The following ANXA6 variants were observed in gnomAD, a reference collection of about 807,000 sequenced individuals.
ANXA6 encodes 67 kDa calelectrin.
A neutral mutation model predicts 95.4 loss-of-function variants in ANXA6; 71 were observed. The observed-to-expected ratio is 0.74, with a 90% confidence interval of 0.61 to 0.91. The LOEUF (loss-of-function observed/expected upper bound fraction) is 0.91. ANXA6 is among the 40% of genes least tolerant of loss of function. The pLI is 0.00. For synonymous variants in ANXA6, 289 were observed against 315.9 expected (o/e 0.91, Z 0.90); for missense variants, 830 against 876.4 (o/e 0.95, Z 0.67).
intron 12 of ANXA6, among the ~76,000 whole-genome samples, chr5:151,128,843 T>G (rs936663706): frequency 6.6e-6 from 1 of 152,116 alleles, no homozygotes; most frequent in African/African-American, 2.4e-5. Context: ...CATAGAACAT[T>G]TTGCACATAA....
At chr5:151,123,051 G>T (rs41290567) in intron 15 of ANXA6, 40 bp from the exon 16 acceptor site, 3 of 1,564,268 alleles carry the variant, frequency 1.9e-6, no homozygotes, top group Non-Finnish European at 2.6e-6. Flanking sequence ...GAAGGCCTGT[G>T]GCTCTCGGCT....
intron 25 of ANXA6, 84 bp downstream of exon 25, chr5:151,103,486 G>A: frequency 2.1e-6 from 3 of 1,421,742 alleles, no homozygotes; most frequent in Non-Finnish European, 2.8e-6. Flanking sequence ...CTGGAAAAAA[G>A]TCCATGGGAA....
chr5:151,132,624 A>G (rs1561578741), intron 9 of ANXA6, 53 bp from the exon 10 acceptor site: 2 of 1,476,038 alleles, frequency 1.4e-6, no homozygotes, highest in South Asian at 2.4e-5. Flanking sequence ...TACCCCCGAG[A>G]AGAAATGAGG....
intron 8 of ANXA6, 113 bp from the exon 9 acceptor site, chr5:151,133,300 G>A: frequency 1.5e-6 from 1 of 684,292 alleles, no homozygotes; most frequent in South Asian, 1.6e-5. Flanking sequence ...GTAATTGGTA[G>A]CCTGAAGACC....
At chr5:151,106,529 T>C (rs1314708424) in intron 23 of ANXA6, among the ~76,000 whole-genome samples, 2 of 152,198 alleles carry the variant, frequency 1.3e-5, no homozygotes, top group Non-Finnish European at 2.9e-5. Flanking sequence ...TCAAAGCTCC[T>C]GGCCTCCTTT....
At chr5:151,119,258 G>T in intron 18 of ANXA6, 42 bp downstream of exon 18, 1 of 1,546,536 alleles carries the variant, frequency 6.5e-7, no homozygotes, top group South Asian at 1.1e-5. Flanking sequence ...TGGGGGGCCT[G>T]GCTGTTCTCC....
intron 2 of ANXA6, among the ~76,000 whole-genome samples, chr5:151,142,926 A>T (rs528939919): frequency 6.6e-6 from 1 of 152,262 alleles, no homozygotes; most frequent in East Asian, 1.9e-4. Flanking sequence ...TGTTGCCATG[A>T]TTCATGGCTG....
chr5:151,105,857 G>C (rs1764682027), intron 23 of ANXA6, among the ~76,000 whole-genome samples: 1 of 152,086 alleles, frequency 6.6e-6, no homozygotes, highest in Non-Finnish European at 1.5e-5. Context: ...TAGTTTGCCT[G>C]GGACACTCCA....
intron 2 of ANXA6, among the ~76,000 whole-genome samples, chr5:151,145,963 G>T (rs1765965674): frequency 6.6e-6 from 1 of 152,040 alleles, no homozygotes; most frequent in Non-Finnish European, 1.5e-5. Flanking sequence ...CCTAGGTGGG[G>T]TGCCCTCCTG....
chr5:151,105,809 T>C (rs1764681067), intron 23 of ANXA6, among the ~76,000 whole-genome samples: 2 of 152,214 alleles, frequency 1.3e-5, no homozygotes, highest in Admixed American at 1.3e-4. Context: ...CCAGAGATGC[T>C]GAATCTGAAA....
intron 1 of ANXA6, chr5:151,154,981 AAAGG>A (rs1766199789): frequency 7.7e-6 from 1 of 130,176 alleles, no homozygotes; most frequent in Non-Finnish European, 1.7e-5. Context: ...AAAAAAAAAA[AAAGG>A]GATAAAAATA....
rs1011733729 is a variant in ANXA6, at chr5:151,124,174, C to T, written c.1138+112G>A. On this transcript the variant is annotated intron_variant, in intron 15 of 25. Transcript: ENST00000354546. ...TGGAAACTTGAGATCAAGCCTTCCT[C>T]ATCCTGCAGACTCTAATTTGAAACC... 6.7e-6 allele frequency: 6 copies of T among 890,602 alleles called. No individual in the cohort carries two copies. The African/African-American group carries it at 1.0e-4, about 15-fold the overall frequency. 55.2% of individuals were successfully genotyped at this position (890,602 alleles called of 1,614,324 possible).
chr5:151,139,861 G>T (rs1765777297), intron 3 of ANXA6, among the ~76,000 whole-genome samples: 1 of 152,204 alleles, frequency 6.6e-6, no homozygotes, highest in Non-Finnish European at 1.5e-5. Flanking sequence ...GGCAAAGGCA[G>T]CGGGCGGCAT....
chr5:151,138,372 T>C (rs965988702), intron 5 of ANXA6, among the ~76,000 whole-genome samples: 1 of 152,132 alleles, frequency 6.6e-6, no homozygotes, highest in African/African-American at 2.4e-5. Context: ...TGGCCCAGGG[T>C]CATGTTGATT....
At chr5:151,152,650 G>A (rs1477403373) in intron 1 of ANXA6, among the ~76,000 whole-genome samples, 1 of 152,202 alleles carries the variant, frequency 6.6e-6, no homozygotes, top group Non-Finnish European at 1.5e-5. Context: ...CCACTGGGGT[G>A]CAGGACAAGA....
At chr5:151,154,295 G>GTATATATATATATATATA (rs58268342) in intron 1 of ANXA6, among the ~76,000 whole-genome samples, 37 of 139,004 alleles carry the variant, frequency 2.7e-4, no homozygotes, top group Non-Finnish European at 5.3e-4. Context: ...GCAGTTTGCA[G>GTATATATATATATATATA]TATATATATA....
intron 17 of ANXA6, among the ~76,000 whole-genome samples, chr5:151,121,258 C>T (rs1406596533): frequency 6.6e-6 from 1 of 152,166 alleles, no homozygotes; most frequent in East Asian, 1.9e-4. Context: ...ATGACCATGA[C>T]CAAGCAACTT....
Position 151,126,471 on chromosome 5 carries a change from G to A in ANXA6, c.987C>T (p.Gly329=). Residue 329 remains glycine, a synonymous_variant, in exon 14 of 26, where the codon GGC becomes GGT. Transcript: ENST00000354546. ...KLSGGDDDAA[G]QFFPEAAQVA... is the part of the protein sequence containing the mutation. ...CCTGCGCTGCCTCCGGGAAGAACTG[G>A]CCAGCAGCACTGGAATGGAGGGGTT... 1.2e-6 allele frequency: 2 copies of A among 1,609,546 alleles called. No individual in the cohort carries two copies. Among genetic ancestry groups the A allele is most frequent in the East Asian group, 2.2e-5 (1 of 44,720 alleles).
chr5:151,103,928 G>C (rs1764621522), intron 24 of ANXA6, among the ~76,000 whole-genome samples: 1 of 152,186 alleles, frequency 6.6e-6, no homozygotes. Flanking sequence ...TGTCCACCTG[G>C]AAACTCAGAA....
Sources: allele counts gnomAD v4.1 joint callset (sites outside exome capture counted in the v4.1 genomes callset), GRCh38; gene constraint gnomAD v4.1.1; transcripts MANE v1.5; gene names NCBI Gene and HGNC (gene_info 2026-07-23, HGNC 2026-07-21).